Variants in STXBP6 observed in about 807,000 individuals in gnomAD.
The protein encoded by STXBP6 is syntaxin-binding protein 6.
In STXBP6, 21 loss-of-function variants were observed where a neutral mutation model predicts 26.9. The ratio of observed to expected loss-of-function variants is 0.78; its 90% confidence interval spans 0.55 to 1.12. The LOEUF (loss-of-function observed/expected upper bound fraction) is 1.12. Among genes scored for constraint, STXBP6 ranks in the 50% most tolerant of loss-of-function variants. The pLI is 0.00. For synonymous variants in STXBP6, 97 were observed against 92.6 expected (o/e 1.05, Z -0.27); for missense variants, 232 against 257.9 (o/e 0.90, Z 0.69).
At chr14:24,924,828 C>T (rs1019529562) in intron 2 of STXBP6, among the ~76,000 whole-genome samples, 1 of 152,134 alleles carries the variant, frequency 6.6e-6, no homozygotes, top group Non-Finnish European at 1.5e-5. Flanking sequence ...TAGAGGTACT[C>T]ACTTACAGGA....
intron 4 of STXBP6, among the ~76,000 whole-genome samples, chr14:24,845,157 A>G (rs914755792): frequency 6.6e-6 from 1 of 151,970 alleles, no homozygotes; most frequent in South Asian, 2.1e-4. Flanking sequence ...GACTACAGGC[A>G]TGTGCCACCA....
intron 3 of STXBP6, 121 bp from the exon 4 acceptor site, chr14:24,856,222 A>G (rs1358727873): frequency 8.1e-6 from 8 of 992,048 alleles, no homozygotes; most frequent in Non-Finnish European, 1.1e-5. Context: ...CATAAGGCTC[A>G]TCTTTATCCA....
At chr14:24,992,897 G>A (rs923871278) in intron 1 of STXBP6, among the ~76,000 whole-genome samples, 2 of 152,178 alleles carry the variant, frequency 1.3e-5, no homozygotes, top group African/African-American at 4.8e-5. Flanking sequence ...CATCTGAACT[G>A]TTGACCATGA....
At chr14:24,929,440 C>T (rs537210187) in intron 2 of STXBP6, among the ~76,000 whole-genome samples, 4 of 152,204 alleles carry the variant, frequency 2.6e-5, no homozygotes, top group Non-Finnish European at 5.9e-5. Context: ...CCAAACCATT[C>T]CCTTTCTGAT....
intron 2 of STXBP6, among the ~76,000 whole-genome samples, chr14:24,949,868 T>C (rs1489272311): frequency 6.6e-6 from 1 of 152,196 alleles, no homozygotes; most frequent in Non-Finnish European, 1.5e-5. Context: ...ATTCAAACCG[T>C]GTTCAAATAA....
chr14:25,024,578 G>A (rs2075315960), intron 1 of STXBP6, among the ~76,000 whole-genome samples: 1 of 152,082 alleles, frequency 6.6e-6, no homozygotes, highest in African/African-American at 2.4e-5. Context: ...TACAAAGTTA[G>A]TAAAGGACAA....
intron 1 of STXBP6, among the ~76,000 whole-genome samples, chr14:24,980,767 G>T (rs1488710892): frequency 6.6e-6 from 1 of 152,054 alleles, no homozygotes; most frequent in Admixed American, 6.6e-5. Context: ...ATACTTAAAG[G>T]AGCCAGAAAC....
intron 2 of STXBP6, among the ~76,000 whole-genome samples, chr14:24,900,849 A>G (rs1472108136): frequency 6.6e-6 from 1 of 152,226 alleles, no homozygotes; most frequent in African/African-American, 2.4e-5. Context: ...TTCTAAAGGA[A>G]CCAGGACTCC....
At chr14:25,014,306 C>A (rs999043902) in intron 1 of STXBP6, among the ~76,000 whole-genome samples, 3 of 152,040 alleles carry the variant, frequency 2.0e-5, no homozygotes, top group Admixed American at 6.6e-5. Context: ...ACCAGCCTGG[C>A]CAACATGGTG....
Position 25,049,778 on chromosome 14 carries a change from G to A in STXBP6, c.-33+100C>T, listed in dbSNP as rs2075778009. On this transcript the variant is annotated intron_variant, in intron 1 of 5. Coordinates refer to ENST00000323944, the MANE Select transcript of STXBP6 (RefSeq NM_001394410.1). This position sits in a 1 kb window ranked among gnomAD's most constrained non-coding sequence, Gnocchi z 5.6. ...CCTGGCCTCACAGCCACCCGCCTCG[G>A]ACGGAGCGCCAGGCGCCCCAACAGC... is the stretch of plus-strand genomic sequence containing the variant. The A allele has an allele frequency of 7.1e-6, 7 of 985,440 alleles. No homozygotes were observed. Among genetic ancestry groups the A allele is most frequent in the Non-Finnish European group, 8.4e-6 (7 of 830,086 alleles). 61.0% of individuals were successfully genotyped at this position (985,440 alleles called of 1,614,324 possible).
At position 24,811,137 on chromosome 14, in the gene STXBP6, G is replaced by A. The variant is rs1315631894; in HGVS notation, c.*1572C>T. On this transcript the variant is annotated 3_prime_UTR_variant, in exon 6 of 6. Transcript: ENST00000323944. ...TAAAAGGATTCTGAAATCTGTCTCC[G>A]ACAAATCTCATCTCCCTTTTAATGT... The A allele has an allele frequency of 1.3e-5, 2 of 151,894 alleles. No individual in the cohort carries two copies. The highest frequency in any genetic ancestry group is 2.9e-5 in the Non-Finnish European group (2 of 67,986). 9.4% of individuals were successfully genotyped at this position (151,894 alleles called of 1,614,324 possible).
At chr14:24,845,684 T>A (rs2139067351) in intron 4 of STXBP6, among the ~76,000 whole-genome samples, 1 of 152,316 alleles carries the variant, frequency 6.6e-6, no homozygotes, top group South Asian at 2.1e-4. Flanking sequence ...GGAAGAATAA[T>A]GGCTTCCCAA....
At chr14:24,906,181 T>C (rs1184116523) in intron 2 of STXBP6, among the ~76,000 whole-genome samples, 2 of 152,200 alleles carry the variant, frequency 1.3e-5, no homozygotes, top group Non-Finnish European at 2.9e-5. Flanking sequence ...CTCTCTATTT[T>C]TTCTCAATCC....
At chr14:24,845,805 T>C (rs565822770) in intron 4 of STXBP6, among the ~76,000 whole-genome samples, 4 of 152,192 alleles carry the variant, frequency 2.6e-5, no homozygotes, top group Admixed American at 6.5e-5. Flanking sequence ...GTGGACACAA[T>C]ATAAACACAA....
chr14:24,910,587 T>C (rs1043381784), intron 2 of STXBP6, among the ~76,000 whole-genome samples: 2 of 152,180 alleles, frequency 1.3e-5, no homozygotes, highest in African/African-American at 4.8e-5. Flanking sequence ...AAAATCAATA[T>C]CTTTAAGCAG....
intron 2 of STXBP6, among the ~76,000 whole-genome samples, chr14:24,942,665 G>A (rs1193759687): frequency 6.6e-6 from 1 of 152,230 alleles, no homozygotes; most frequent in Non-Finnish European, 1.5e-5. Context: ...AACTGCCTTT[G>A]ATCTGAGGTC....
chr14:25,036,072 G>C (rs2075544752), intron 1 of STXBP6, among the ~76,000 whole-genome samples: 1 of 151,974 alleles, frequency 6.6e-6, no homozygotes, highest in Admixed American at 6.6e-5. Flanking sequence ...ACAAAAAGTA[G>C]CCAGACATGG....
intron 2 of STXBP6, among the ~76,000 whole-genome samples, chr14:24,910,550 G>A (rs928029181): frequency 1.3e-5 from 2 of 152,202 alleles, no homozygotes; most frequent in African/African-American, 4.8e-5. Flanking sequence ...TACCATAAGA[G>A]AGGTTAGGTA....
chr14:24,998,351 C>T (rs1361797315), intron 1 of STXBP6, among the ~76,000 whole-genome samples: 8 of 152,232 alleles, frequency 5.3e-5, no homozygotes, highest in South Asian at 2.1e-4. Context: ...TATATTCTTA[C>T]GCATATATTC....
Sources: allele counts gnomAD v4.1 joint callset (sites outside exome capture counted in the v4.1 genomes callset), GRCh38; gene constraint gnomAD v4.1.1; non-coding constraint Gnocchi (gnomAD v3.1); transcripts MANE v1.5; gene names NCBI Gene and HGNC (gene_info 2026-07-23, HGNC 2026-07-21).